KLHL1: variants seen among roughly 807,000 people sequenced by gnomAD.
The protein encoded by KLHL1 is kelch-like protein 1.
A neutral mutation model predicts 77.7 loss-of-function variants in KLHL1; 47 were observed. That is an observed-to-expected ratio of 0.60 (90% CI 0.48 to 0.77). KLHL1 has a LOEUF of 0.77. Ranked by LOEUF, KLHL1 falls within the 30% of genes least tolerant of loss-of-function variation. The pLI, the probability that KLHL1 is intolerant of heterozygous loss-of-function variation, is 0.00. For missense variants in KLHL1, 925 were observed against 910.8 expected, an observed-to-expected ratio of 1.02 and a Z score of -0.20; for synonymous variants, 360 against 325.2, an observed-to-expected ratio of 1.11 and a Z score of -1.15.
At chr13:69,878,474 A>T (rs1342400802) in intron 5 of KLHL1, among the ~76,000 whole-genome samples, 1 of 152,110 alleles carries the variant, frequency 6.6e-6, no homozygotes, top group Non-Finnish European at 1.5e-5. Context: ...CAAAAATTAG[A>T]CCAAGTACTG....
intron 7 of KLHL1, among the ~76,000 whole-genome samples, chr13:69,776,762 T>C (rs9564608): frequency 0.24 from 35,854 of 152,070 alleles, 4,299 homozygotes; most frequent in South Asian, 0.31. Flanking sequence ...AAATTAGCAT[T>C]CAAAATCAGA....
chr13:69,774,888 G>A (rs560267618), intron 7 of KLHL1, among the ~76,000 whole-genome samples: 16 of 152,190 alleles, frequency 1.1e-4, no homozygotes, highest in African/African-American at 3.9e-4. Flanking sequence ...TGAAAACTAT[G>A]TTCTAACTGA....
intron 4 of KLHL1, among the ~76,000 whole-genome samples, chr13:69,883,672 A>G (rs887413943): frequency 5.3e-5 from 8 of 152,266 alleles, no homozygotes; most frequent in Non-Finnish European, 1.2e-4. Flanking sequence ...GGAGCAGTAC[A>G]TATTTGCTGA....
intron 3 of KLHL1, among the ~76,000 whole-genome samples, chr13:69,951,801 T>C (rs1883720108): frequency 6.6e-6 from 1 of 151,496 alleles, no homozygotes; most frequent in African/African-American, 2.4e-5. Flanking sequence ...ACTGCGAACA[T>C]TCATGCCTTT....
chr13:69,758,754 C>T (rs1421073754), intron 7 of KLHL1, among the ~76,000 whole-genome samples: 2 of 151,920 alleles, frequency 1.3e-5, no homozygotes, highest in African/African-American at 2.4e-5. Flanking sequence ...TGTTTACTGA[C>T]AGATCTAATT....
chr13:69,903,830 C>T (rs1320910271), intron 4 of KLHL1, among the ~76,000 whole-genome samples: 3 of 151,046 alleles, frequency 2.0e-5, no homozygotes, highest in African/African-American at 4.9e-5. Flanking sequence ...TTAGTAGAGA[C>T]GGGGTTTCAC....
chr13:69,733,502 TC>T (rs1487160988), intron 8 of KLHL1, among the ~76,000 whole-genome samples: 1 of 151,950 alleles, frequency 6.6e-6, no homozygotes, highest in Non-Finnish European at 1.5e-5. Context: ...CATGAAGAAC[TC>T]CATAAATCAA....
At chr13:69,857,945 C>T (rs1270355816) in intron 5 of KLHL1, among the ~76,000 whole-genome samples, 1 of 151,718 alleles carries the variant, frequency 6.6e-6, no homozygotes, top group African/African-American at 2.4e-5. Context: ...TACAATGCTC[C>T]GAATGAATTA....
chr13:69,985,775 CATAT>C (rs59958813), intron 1 of KLHL1, among the ~76,000 whole-genome samples: 22 of 140,546 alleles, frequency 1.6e-4, no homozygotes, highest in African/African-American at 5.2e-4. Context: ...AAATGTGATC[CATAT>C]ATATATATAT....
intron 9 of KLHL1, among the ~76,000 whole-genome samples, chr13:69,717,902 C>T (rs1343598020): frequency 2.6e-5 from 4 of 152,092 alleles, no homozygotes; most frequent in South Asian, 2.1e-4. Context: ...GAAAATGCAG[C>T]GAACTTAATG....
chr13:69,787,595 C>T (rs535701028), intron 7 of KLHL1, among the ~76,000 whole-genome samples: 4 of 152,242 alleles, frequency 2.6e-5, no homozygotes, highest in African/African-American at 9.6e-5. Flanking sequence ...AGGACATAGG[C>T]ATGGGCAAGG....
intron 7 of KLHL1, among the ~76,000 whole-genome samples, chr13:69,795,362 TTAA>T (rs1291907101): frequency 1.3e-5 from 2 of 152,186 alleles, no homozygotes; most frequent in Non-Finnish European, 2.9e-5. Flanking sequence ...TGAACAAGTA[TTAA>T]TTTTGCTTAC....
intron 9 of KLHL1, 125 bp downstream of exon 9, chr13:69,719,244 A>C: frequency 1.4e-6 from 1 of 696,698 alleles, no homozygotes; most frequent in East Asian, 2.5e-5. Context: ...GAAAGGAGTT[A>C]AAAATGTATC....
intron 1 of KLHL1, among the ~76,000 whole-genome samples, chr13:70,092,239 A>T (rs1407863315): frequency 6.6e-6 from 1 of 152,210 alleles, no homozygotes; most frequent in Non-Finnish European, 1.5e-5. Context: ...GTAACTGGGT[A>T]TGTAGCAATA....
chr13:70,077,740 T>C (rs1472093947), intron 1 of KLHL1, among the ~76,000 whole-genome samples: 1 of 152,018 alleles, frequency 6.6e-6, no homozygotes, highest in Non-Finnish European at 1.5e-5. Flanking sequence ...TGTAAAAATC[T>C]AACTGCTTTT....
At chr13:70,070,980 G>C (rs984592473) in intron 1 of KLHL1, among the ~76,000 whole-genome samples, 1 of 151,658 alleles carries the variant, frequency 6.6e-6, no homozygotes, top group Non-Finnish European at 1.5e-5. Flanking sequence ...TAAAGGGAAG[G>C]CACAAAAAAT....
At chr13:69,978,252 G>T (rs749051314) in intron 1 of KLHL1, among the ~76,000 whole-genome samples, 4 of 151,782 alleles carry the variant, frequency 2.6e-5, no homozygotes, top group Non-Finnish European at 5.9e-5. Flanking sequence ...AGGTAGAAAG[G>T]ATAATTAAGT....
chr13:70,088,914 C>T (rs1465931950), intron 1 of KLHL1, among the ~76,000 whole-genome samples: 1 of 151,786 alleles, frequency 6.6e-6, no homozygotes, highest in African/African-American at 2.4e-5. Context: ...AACCTTGGCT[C>T]ATAAATCTAT....
chr13:70,089,798 T>C (rs9572361), intron 1 of KLHL1, among the ~76,000 whole-genome samples: 33,302 of 152,058 alleles, frequency 0.22, 3,853 homozygotes, highest in Admixed American at 0.29. Flanking sequence ...AAGTGAACTG[T>C]AGAAAAGAAG....
Sources: gnomAD v4.1 joint callset for allele counts (sites outside exome capture counted in the v4.1 genomes callset) on GRCh38, gnomAD v4.1.1 for gene constraint, MANE v1.5 for transcripts, NCBI Gene and HGNC (gene_info 2026-07-23, HGNC 2026-07-21) for gene names.